The following PHLPP2 variants were observed in gnomAD, a reference collection of about 807,000 sequenced individuals.
PHLPP2 encodes PH domain and leucine rich repeat protein phosphatase 2.
Under a neutral mutation model 124.9 loss-of-function variants are expected in PHLPP2, and 66 were observed. The observed-to-expected ratio is 0.53, with a 90% CI of 0.43 to 0.65. PHLPP2 has a LOEUF of 0.65. PHLPP2 is among the 30% of genes least tolerant of loss of function. The pLI is 0.00. For missense variants in PHLPP2, 1,685 were observed against 1,600.4 expected, an observed-to-expected ratio of 1.05 and a Z score of -0.90; for synonymous variants, 681 against 624.7, an observed-to-expected ratio of 1.09 and a Z score of -1.34.
intron 3 of PHLPP2, among the ~76,000 whole-genome samples, chr16:71,697,207 TA>T (rs1460024128): frequency 4.8e-5 from 2 of 42,032 alleles, no homozygotes; most frequent in Non-Finnish European, 9.5e-5. Context: ...AATAAATAAA[TA>T]AATAAATAAA....
chr16:71,722,877 C>T (rs535012390), intron 1 of PHLPP2, among the ~76,000 whole-genome samples: 2 of 152,224 alleles, frequency 1.3e-5, no homozygotes, highest in Admixed American at 6.5e-5. Flanking sequence ...CAACCCCTCC[C>T]TTTAACCATC....
rs2044700072 is a variant in PHLPP2 at position 71,652,027 on chromosome 16, G to A, written c.2817+763C>T. ...AAGCACGATCCATGAGATAAAAACT[G>A]ACAGGTGGGCCTTCATTAAAACTAA... is the stretch of plus-strand genomic sequence containing the variant. On this transcript the variant is annotated intron_variant, in intron 18 of 18. Transcript: ENST00000568954. Among the ~76,000 whole-genome samples, 3 of 152,166 alleles carry A rather than the reference G, an allele frequency of 2.0e-5. No individual in the cohort carries two copies. In the South Asian group the frequency reaches 6.2e-4, roughly 31 times the overall value.
intron 3 of PHLPP2, among the ~76,000 whole-genome samples, chr16:71,694,787 T>A (rs1482471587): frequency 6.6e-6 from 1 of 150,582 alleles, no homozygotes; most frequent in African/African-American, 2.4e-5. Flanking sequence ...TTTTTTAAAT[T>A]TTTTTTTTTA....
chr16:71,682,545 T>G (rs1335418519), intron 5 of PHLPP2, among the ~76,000 whole-genome samples: 1 of 152,180 alleles, frequency 6.6e-6, no homozygotes, highest in Non-Finnish European at 1.5e-5. Flanking sequence ...CAGTGTGATA[T>G]GAAAAGACAT....
At chr16:71,663,864 G>C in intron 13 of PHLPP2, 35 bp downstream of exon 13, 1 of 1,452,338 alleles carries the variant, frequency 6.9e-7, no homozygotes, top group Non-Finnish European at 9.7e-7. Flanking sequence ...TTAATGTTGT[G>C]TATTTGAAAT....
At chr16:71,663,878 C>T (rs935022915) in intron 13 of PHLPP2, 21 bp downstream of exon 13, 1 of 1,570,380 alleles carries the variant, frequency 6.4e-7, no homozygotes, top group South Asian at 1.1e-5. Context: ...TTGAAATGAT[C>T]AAAGTTTGCA....
intron 13 of PHLPP2, among the ~76,000 whole-genome samples, chr16:71,663,197 C>T (rs1379444528): frequency 6.6e-6 from 1 of 152,182 alleles, no homozygotes; most frequent in Non-Finnish European, 1.5e-5. Flanking sequence ...CTGCAACCTC[C>T]GCCTTCTGGG....
In PHLPP2 at chr16:71,682,035, A is replaced by G. The variant is rs1268682761; in HGVS notation, c.736-130T>C. On this transcript the variant is annotated intron_variant, in intron 5 of 18. Coordinates refer to ENST00000568954, the MANE Select transcript of PHLPP2 (RefSeq NM_015020.3). Reference sequence around the variant, plus strand: ...AGGAAAAAAAAGGCAATAAGATCCAATTATTCATTTATAAATACCAGTTAA... The same window carrying G: ...AGGAAAAAAAAGGCAATAAGATCCAGTTATTCATTTATAAATACCAGTTAA... The G allele has an allele frequency of 5.0e-6, 3 of 597,426 alleles. No homozygotes were observed. In the African/African-American group the frequency reaches 5.7e-5, roughly 11 times the overall value. The allele number at this position is 597,426 out of a possible 1,614,324, so 37.0% of individuals were successfully genotyped here.
Position 71,667,204 on chromosome 16 carries a change from T to G in PHLPP2, c.1758A>C (p.Pro586=). The G allele has an allele frequency of 6.2e-7, 1 of 1,613,626 alleles. No homozygotes were observed. The highest frequency in any genetic ancestry group is 8.5e-7 in the Non-Finnish European group (1 of 1,179,882). The part of the protein sequence containing the change: ...DLQHNALTRL[P]DTLFSKALNL... ...TTAAGGCCTTGGAGAAGAGGGTGTC[T>G]GGCAGCCTCGTGAGTGCATTATGCT... The change falls in exon 12 of 19, where the codon CCA becomes CCC. Residue 586 remains proline (P), a synonymous_variant. Coordinates refer to ENST00000568954, the MANE Select transcript of PHLPP2 (RefSeq NM_015020.3).
In PHLPP2 at chr16:71,658,289, A is replaced by C; in HGVS notation, c.2223T>G (p.Leu741=). 1 of 1,613,930 alleles carries C rather than the reference A, an allele frequency of 6.2e-7. No homozygotes were observed. Among genetic ancestry groups the C allele is most frequent in the East Asian group, 2.2e-5 (1 of 44,864 alleles). Residue 741 remains leucine, a synonymous_variant, in exon 15 of 19, where the codon CTT becomes CTG. Transcript: ENST00000568954. ...PEALPATLQD[L]DLTGNTNLVL... ...CCAGATTTGTATTTCCAGTCAGGTC[A>C]AGGTCTTGTAATGTAGCAGGCAAAG...
At position 71,679,031 on chromosome 16, in the gene PHLPP2, T is replaced by C. The variant is rs2044973043; in HGVS notation, c.1038-46A>G. On this transcript the variant is annotated intron_variant, in intron 7 of 18. Coordinates refer to ENST00000568954, the MANE Select transcript of PHLPP2 (RefSeq NM_015020.3). ...AAGTCTACTTTATGAAAGGTTTCACTGGAATGCACAGAATCAGAGTTAGGG... is the reference window on the plus strand; with the variant it reads ...AAGTCTACTTTATGAAAGGTTTCACCGGAATGCACAGAATCAGAGTTAGGG... 2.9e-6 allele frequency: 3 copies of C among 1,038,508 alleles called. No individual in the cohort carries two copies. The East Asian group carries it at 7.1e-5, about 25-fold the overall frequency. 64.3% of individuals were successfully genotyped at this position (1,038,508 alleles called of 1,614,324 possible). A position where few individuals can be genotyped will look rare whatever the true frequency, so the allele number is the denominator to read the frequency against.
chr16:71,676,728 G>A, intron 8 of PHLPP2, 79 bp from the exon 9 acceptor site: 1 of 1,053,096 alleles, frequency 9.5e-7, no homozygotes, highest in East Asian at 2.5e-5. Flanking sequence ...TAAAAAATAG[G>A]ACAGGTATGA....
chr16:71,701,220 C>T (rs2045229251), intron 3 of PHLPP2, among the ~76,000 whole-genome samples: 1 of 152,076 alleles, frequency 6.6e-6, no homozygotes, highest in African/African-American at 2.4e-5. Context: ...ATTTTAAGTC[C>T]TAACTTTTGA....
chr16:71,717,300 C>T (rs969400294), intron 1 of PHLPP2, among the ~76,000 whole-genome samples: 18 of 152,076 alleles, frequency 1.2e-4, no homozygotes, highest in African/African-American at 4.3e-4. Flanking sequence ...GAAAAGTTAG[C>T]AGGTATTTCT....
intron 11 of PHLPP2, among the ~76,000 whole-genome samples, chr16:71,668,013 T>C (rs965898566): frequency 6.6e-6 from 1 of 152,150 alleles, no homozygotes; most frequent in Non-Finnish European, 1.5e-5. Flanking sequence ...AATCCCATCA[T>C]CTAGTAAAGG....
chr16:71,690,439 A>G (rs2045098978), intron 4 of PHLPP2, 80 bp downstream of exon 4: 1 of 973,142 alleles, frequency 1.0e-6, no homozygotes, highest in Middle Eastern at 3.4e-4. Flanking sequence ...AGATATGACT[A>G]AAAGCTATGA....
chr16:71,656,648 A>G lies in PHLPP2; in HGVS notation c.2313T>C (p.Pro771=). ...TAACTGTAGAATCTGTGGTTGGCAA[A>G]GGTTTCTGATCAATTTTCAGGGTTG... ...HITTLKIDQK[P]LPTTDSTVTS... The change falls in exon 16 of 19, where the codon CCT becomes CCC. Residue 771 remains proline, a synonymous_variant. Coordinates refer to ENST00000568954, the MANE Select transcript of PHLPP2 (RefSeq NM_015020.3). 6.2e-7 allele frequency: 1 copy of G among 1,613,350 alleles called. No individual in the cohort carries two copies. Among genetic ancestry groups the G allele is most frequent in the Non-Finnish European group, 8.5e-7 (1 of 1,179,328 alleles).
intron 4 of PHLPP2, 141 bp from the exon 5 acceptor site, chr16:71,684,742 C>G (rs1597003996): frequency 1.4e-6 from 1 of 717,592 alleles, no homozygotes; most frequent in East Asian, 2.9e-5. Context: ...TTGTCCCCCT[C>G]CATCTGCCAA....
intron 10 of PHLPP2, among the ~76,000 whole-genome samples, chr16:71,670,892 G>C (rs1286291087): frequency 6.6e-6 from 1 of 152,146 alleles, no homozygotes; most frequent in Non-Finnish European, 1.5e-5. Context: ...AGCAAGGTGG[G>C]TGTTTGGAAG....
Sources: allele counts gnomAD v4.1 joint callset (sites outside exome capture counted in the v4.1 genomes callset), GRCh38; gene constraint gnomAD v4.1.1; transcripts MANE v1.5; gene names NCBI Gene and HGNC (gene_info 2026-07-23, HGNC 2026-07-21).